Variants in PGAP1 observed in about 807,000 individuals in gnomAD.
The protein encoded by PGAP1 is GPI inositol-deacylase.
A neutral mutation model predicts 127.0 loss-of-function variants in PGAP1; 76 were observed. The observed-to-expected ratio is 0.60, with a 90% CI of 0.50 to 0.72. The LOEUF (loss-of-function observed/expected upper bound fraction) is 0.72. Among genes scored for constraint, PGAP1 ranks in the 30% least tolerant of loss-of-function variants. PGAP1 has a pLI of 0.00. For synonymous variants in PGAP1, 362 were observed against 366.5 expected (o/e 0.99, Z 0.14); for missense variants, 982 against 1,071.3 (o/e 0.92, Z 1.16).
intron 10 of PGAP1, 65 bp downstream of exon 10, chr2:196,890,763 T>C (rs770902964): frequency 3.7e-5 from 33 of 891,460 alleles, no homozygotes; most frequent in Non-Finnish European, 5.6e-5. Context: ...GGTCTACCAG[T>C]AGAATTTGAA....
chr2:196,874,356 A>AT, intron 14 of PGAP1, among the ~76,000 whole-genome samples: 1 of 152,282 alleles, frequency 6.6e-6, no homozygotes, highest in Non-Finnish European at 1.5e-5. Context: ...GAATAAATAA[A>AT]TAATGGGGGA....
chr2:196,870,917 C>G, intron 19 of PGAP1, 24 bp downstream of exon 19: 2 of 1,592,952 alleles, frequency 1.3e-6, no homozygotes, highest in African/African-American at 2.7e-5. Flanking sequence ...AGTAAATAAT[C>G]AACCAGCCAG....
chr2:196,881,212 A>C (rs570829256), intron 12 of PGAP1, among the ~76,000 whole-genome samples: 1 of 152,202 alleles, frequency 6.6e-6, no homozygotes, highest in South Asian at 2.1e-4. Context: ...ATTCTTTTTT[A>C]TGGCTGCATA....
chr2:196,875,609 C>A, intron 14 of PGAP1, 137 bp downstream of exon 14: 1 of 607,908 alleles, frequency 1.6e-6, no homozygotes. Context: ...GAGAATAAAA[C>A]CACTGAACCA....
At chr2:196,873,139 T>A (rs1372703177) in intron 16 of PGAP1, 113 bp from the exon 17 acceptor site, 1 of 487,498 alleles carries the variant, frequency 2.1e-6, no homozygotes, top group African/African-American at 2.0e-5. Flanking sequence ...AAAAAATCAG[T>A]ACAGGTTATA....
rs77319831 is a variant in PGAP1 at position 196,880,031 on chromosome 2, T to C, written c.1350+45A>G. 144,406 of 1,370,980 alleles carry C rather than the reference T, an allele frequency of 0.11. 8,876 individuals carry two copies. Among genetic ancestry groups the C allele is most frequent in the Middle Eastern group, 0.14 (783 of 5,596 alleles). 84.9% of individuals were successfully genotyped at this position (1,370,980 alleles called of 1,614,324 possible). A position where few individuals can be genotyped will look rare whatever the true frequency, so the allele number is the denominator to read the frequency against. On this transcript the variant is annotated intron_variant, in intron 13 of 26. Coordinates refer to ENST00000354764, the MANE Select transcript of PGAP1 (RefSeq NM_024989.4). ...TGAAAAAGAACTGTAAAATTTAGCA[T>C]GTGTCTCCAAAACATTCTAATAACA...
At position 196,841,394 on chromosome 2, in the gene PGAP1, T is replaced by C. The variant is rs761448861; in HGVS notation, c.2631-22A>G. On this transcript the variant is annotated intron_variant, in intron 26 of 26. Transcript: ENST00000354764. ...TTTACTGTAAAGAGACAGAGAAATA[T>C]ACATTACTTATGTGAACTACATTGT... 2.4e-5 allele frequency: 38 copies of C among 1,595,168 alleles called. No homozygotes were observed. The South Asian group carries it at 3.7e-4, about 16-fold the overall frequency.
At chr2:196,905,221 C>T (rs1263547316) in intron 4 of PGAP1, among the ~76,000 whole-genome samples, 1 of 152,110 alleles carries the variant, frequency 6.6e-6, no homozygotes, top group Non-Finnish European at 1.5e-5. Context: ...CTATACGGGT[C>T]ATCTACATAC....
Position 196,847,018 on chromosome 2 carries a change from C to T in PGAP1, c.2135G>A (p.Trp712Ter), listed in dbSNP as rs1455426913. 6.2e-7 allele frequency: 1 copy of T among 1,612,588 alleles called. No homozygotes were observed. Among genetic ancestry groups the T allele is most frequent in the Non-Finnish European group, 8.5e-7 (1 of 1,179,246 alleles). ...SASVRLLSSL[W>*]LALKRPSELP... ...CATTCTTTACCTTTTCAAAGCTAGC[C>T]ACAATGAAGAAAGAAGTCTCACAGA... Residue 712 changes from tryptophan (W) to a stop codon, truncating the protein, a stop_gained, in exon 22 of 27, where the codon TGG becomes TAG. Coordinates refer to ENST00000354764, the MANE Select transcript of PGAP1 (RefSeq NM_024989.4). LOFTEE classifies it high-confidence loss of function.
intron 1 of PGAP1, among the ~76,000 whole-genome samples, chr2:196,922,988 C>T (rs1488593758): frequency 6.6e-6 from 1 of 151,950 alleles, no homozygotes; most frequent in Non-Finnish European, 1.5e-5. Context: ...CCTCATCCCG[C>T]CCTTACCTAC....
chr2:196,906,658 A>G (rs1485417641), intron 4 of PGAP1, among the ~76,000 whole-genome samples: 1 of 47,696 alleles, frequency 2.1e-5, no homozygotes, highest in Non-Finnish European at 4.3e-5. Context: ...ACTCTGAGCT[A>G]CGGGAGGACA....
intron 26 of PGAP1, among the ~76,000 whole-genome samples, chr2:196,842,255 A>T (rs1020673372): frequency 2.2e-4 from 33 of 152,216 alleles, no homozygotes; most frequent in Non-Finnish European, 7.3e-5. Flanking sequence ...GCCTGATTCT[A>T]AAATATCTGC....
chr2:196,911,293 C>A (rs1306234589), intron 4 of PGAP1, among the ~76,000 whole-genome samples: 1 of 8,104 alleles, frequency 1.2e-4, no homozygotes, highest in Non-Finnish European at 2.4e-4. Flanking sequence ...ATGATGAGTT[C>A]ATATCCTTTG....
At chr2:196,877,666 T>C (rs1001391069) in intron 13 of PGAP1, 2 of 152,188 alleles carry the variant, frequency 1.3e-5, no homozygotes, top group African/African-American at 2.4e-5. Context: ...GAATCCATTA[T>C]AAGGTACTTG....
In PGAP1 at chr2:196,857,786, T is replaced by C. The variant is rs376211612; in HGVS notation, c.1861+7201A>G. On this transcript the variant is annotated intron_variant, in intron 20 of 26. Transcript: ENST00000354764. ...ACAGAAAAAAATTTCTCTGAGAACA[T>C]CTGCCCAGCAACTGCCTGCTCAACC... 2.0e-4 allele frequency among the ~76,000 whole-genome samples: 31 copies of C among 152,202 alleles called. 1 individual carries two copies. The East Asian group carries it at 2.3e-3, about 11-fold the overall frequency.
rs1032468243 is a variant in PGAP1, at chr2:196,837,996, GAA to G, written c.*3236_*3237del. ...ATTTTCATTCTGGTGATAACCAAGA[GAA>G]AAAAAAGAGTTAGCAGAACCTGTTT... is the stretch of plus-strand genomic sequence containing the variant. On this transcript the variant is annotated 3_prime_UTR_variant, in exon 27 of 27. Coordinates refer to ENST00000354764, the MANE Select transcript of PGAP1 (RefSeq NM_024989.4). 2.0e-5 allele frequency: 3 copies of G among 151,286 alleles called. No homozygotes were observed. Among genetic ancestry groups the G allele is most frequent in the Non-Finnish European group, 4.4e-5 (3 of 67,756 alleles). The allele number at this position is 151,286 out of a possible 1,614,324, so 9.4% of individuals were successfully genotyped here. A position where few individuals can be genotyped will look rare whatever the true frequency, so the allele number is the denominator to read the frequency against.
Position 196,893,189 on chromosome 2 carries a change from G to A in PGAP1, c.984C>T (p.His328=), listed in dbSNP as rs368119166. 8.6e-5 allele frequency: 137 copies of A among 1,600,910 alleles called. No individual in the cohort carries two copies. The highest frequency in any genetic ancestry group is 1.1e-4 in the Non-Finnish European group (133 of 1,171,984). ...GATTTTCCTCAAAATGTTTTGATGG[G>A]TGTCTTATAAAGTGGTGATACAAAA... ...LSVLYHHFIR[H]PSKHFEENPA... The change falls in exon 8 of 27, where the codon CAC becomes CAT. Residue 328 remains histidine (H), a synonymous_variant. Coordinates refer to ENST00000354764, the MANE Select transcript of PGAP1 (RefSeq NM_024989.4).
Position 196,844,070 on chromosome 2 carries a change from G to T in PGAP1, c.2343C>A (p.Pro781=). 6.4e-7 allele frequency: 1 copy of T among 1,551,756 alleles called. No homozygotes were observed. Among genetic ancestry groups the T allele is most frequent in the African/African-American group, 1.4e-5 (1 of 73,576 alleles). ...TTFKNSQPVN[P]KHSRRSEKKS... ...TCTTTTCACTTCTTCTAGAGTGTTT[G>T]GGATTCTATAAAACAATAAAGTAGA... is the stretch of plus-strand genomic sequence containing the variant. The change falls in exon 25 of 27, where the codon CCC becomes CCA. Residue 781 remains proline, a synonymous_variant. Coordinates refer to ENST00000354764, the MANE Select transcript of PGAP1 (RefSeq NM_024989.4).
At chr2:196,866,046 C>T (rs1276465747) in intron 19 of PGAP1, among the ~76,000 whole-genome samples, 3 of 152,104 alleles carry the variant, frequency 2.0e-5, no homozygotes, top group East Asian at 1.9e-4. Flanking sequence ...GGCCATACTG[C>T]CCAGAGTAAT....
Sources: gnomAD v4.1 joint callset for allele counts (sites outside exome capture counted in the v4.1 genomes callset) on GRCh38, gnomAD v4.1.1 for gene constraint, MANE v1.5 for transcripts, NCBI Gene and HGNC (gene_info 2026-07-23, HGNC 2026-07-21) for gene names.